The following MGA variants were observed in gnomAD, a reference collection of about 807,000 sequenced individuals.
The protein encoded by MGA is MAX gene-associated protein.
In MGA, 40 loss-of-function variants were observed where a neutral mutation model predicts 261.1. The observed-to-expected ratio is 0.15, with a 90% CI of 0.12 to 0.20. The LOEUF is 0.20. MGA is among the 10% of genes least tolerant of loss of function. The pLI is 1.00. For synonymous variants in MGA, 1,302 were observed against 1,290.6 expected, an observed-to-expected ratio of 1.01 and a Z score of -0.19; for missense variants, 3,397 against 3,630.5, an observed-to-expected ratio of 0.94 and a Z score of 1.65.
chr15:41,637,225 G>A (rs1208776776), intron 1 of MGA, among the ~76,000 whole-genome samples: 1 of 152,174 alleles, frequency 6.6e-6, no homozygotes, highest in Non-Finnish European at 1.5e-5. Context: ...CAGTGACAGT[G>A]TGGAAAGAAC....
At chr15:41,739,761 TA>T in intron 13 of MGA, 144 bp from the exon 14 acceptor site, 1 of 710,116 alleles carries the variant, frequency 1.4e-6, no homozygotes, top group Non-Finnish European at 2.1e-6. Flanking sequence ...CAGATTATTC[TA>T]AATGGAAAAA....
rs752360115 is a variant in MGA at position 41,750,246 on chromosome 15, T to C, written c.6639T>C (p.Asp2213=). 4 of 1,613,930 alleles carry C rather than the reference T, an allele frequency of 2.5e-6. No homozygotes were observed. The highest frequency in any genetic ancestry group is 4.5e-5 in the East Asian group (2 of 44,874). Reference sequence around the variant, plus strand: ...CAAAGACATGTCAGGAAAATTCAGATGTGTTTCAGCAAGAACAAGGCATCT... The same window carrying C: ...CAAAGACATGTCAGGAAAATTCAGACGTGTTTCAGCAAGAACAAGGCATCT... The change falls in exon 17 of 24, where the codon GAT becomes GAC. Residue 2213 remains aspartate, a synonymous_variant. Transcript: ENST00000219905.
intron 19 of MGA, among the ~76,000 whole-genome samples, chr15:41,759,320 GT>G: frequency 6.6e-6 from 1 of 152,216 alleles, no homozygotes; most frequent in East Asian, 1.9e-4. Context: ...ACTATTTTTG[GT>G]TTAGGATATA....
intron 1 of MGA, among the ~76,000 whole-genome samples, chr15:41,628,388 A>AG (rs61052233): frequency 6.7e-6 from 1 of 150,314 alleles, no homozygotes; most frequent in Non-Finnish European, 1.5e-5. Context: ...AAAAAAAAAA[A>AG]GCTATGAAGA....
intron 20 of MGA, among the ~76,000 whole-genome samples, chr15:41,761,066 CG>C (rs1402906022): frequency 1.3e-5 from 2 of 152,170 alleles, no homozygotes; most frequent in Non-Finnish European, 2.9e-5. Flanking sequence ...CCACTGCACC[CG>C]GGCAAAAGTC....
rs1243077951 is a variant in MGA, at chr15:41,769,696, A to T, written c.*2416A>T. 1.3e-5 allele frequency: 2 copies of T among 152,590 alleles called. No individual in the cohort carries two copies. The highest frequency in any genetic ancestry group is 4.8e-5 in the African/African-American group (2 of 41,420). 9.5% of individuals were successfully genotyped at this position (152,590 alleles called of 1,614,324 possible). ...GAAGACAGTGAGCTCTCACCCTAACACTATAAGAAGCATGATCTCAATAGA... is the reference window on the plus strand; with the variant it reads ...GAAGACAGTGAGCTCTCACCCTAACTCTATAAGAAGCATGATCTCAATAGA... On this transcript the variant is annotated 3_prime_UTR_variant, in exon 24 of 24. Coordinates refer to ENST00000219905, the MANE Select transcript of MGA (RefSeq NM_001164273.2).
At chr15:41,756,497 T>G (rs1203210809) in intron 18 of MGA, among the ~76,000 whole-genome samples, 1 of 152,226 alleles carries the variant, frequency 6.6e-6, no homozygotes, top group Admixed American at 6.5e-5. Context: ...TAACAGTTAC[T>G]GAAGTTGAAG....
At chr15:41,706,869 C>T (rs933594821) in intron 5 of MGA, among the ~76,000 whole-genome samples, 8 of 152,026 alleles carry the variant, frequency 5.3e-5, no homozygotes, top group African/African-American at 1.9e-4. Context: ...CCACCAGCTC[C>T]GGCCAATAAT....
intron 1 of MGA, among the ~76,000 whole-genome samples, chr15:41,639,595 A>G (rs1418120016): frequency 6.6e-6 from 1 of 151,452 alleles, no homozygotes; most frequent in East Asian, 1.9e-4. Context: ...TCCAGGCTGG[A>G]GTGCAGTGGC....
At chr15:41,741,006 CTGAA>C (rs1488857414) in intron 14 of MGA, among the ~76,000 whole-genome samples, 3 of 152,070 alleles carry the variant, frequency 2.0e-5, no homozygotes, top group Admixed American at 1.3e-4. Flanking sequence ...AAATCTCTGG[CTGAA>C]TGGTTAGAGT....
intron 2 of MGA, among the ~76,000 whole-genome samples, chr15:41,687,576 A>C (rs2059036630): frequency 6.6e-6 from 1 of 152,196 alleles, no homozygotes; most frequent in Non-Finnish European, 1.5e-5. Context: ...TATGTATTTT[A>C]AACTATTCGT....
Position 41,764,993 on chromosome 15 carries a change from G to A in MGA, c.7852G>A (p.Ala2618Thr). The change falls in exon 23 of 24, where the codon GCT becomes ACT. Residue 2618 changes from alanine to threonine, a missense_variant. Physicochemically the swap from Ala to Thr is moderately conservative, Grantham distance 58 (BLOSUM62 0). This residue lies in a region of MGA where 647 missense variants were observed against 642.4 expected (regional missense o/e 1.01). Coordinates refer to ENST00000219905, the MANE Select transcript of MGA (RefSeq NM_001164273.2). ...TCCCCTATTCTCAGGACCAGTGGTA[G>A]CTGTTTCTCCTGATCTCTTAGAATC... 1 of 1,614,070 alleles carries A rather than the reference G, an allele frequency of 6.2e-7. No individual in the cohort carries two copies. The highest frequency in any genetic ancestry group is 8.5e-7 in the Non-Finnish European group (1 of 1,179,904).
At chr15:41,651,647 TCCTC>T (rs2057050380) in intron 1 of MGA, among the ~76,000 whole-genome samples, 1 of 113,064 alleles carries the variant, frequency 8.8e-6, no homozygotes. Flanking sequence ...CTCTCCCCTC[TCCTC>T]TCCCTTCCCC....
chr15:41,734,525 C>A lies in MGA; in HGVS notation c.3847C>A (p.Pro1283Thr). 6.2e-7 allele frequency: 1 copy of A among 1,606,770 alleles called. No homozygotes were observed. The highest frequency in any genetic ancestry group is 8.5e-7 in the Non-Finnish European group (1 of 1,175,894). Residue 1283 changes from proline to threonine, a missense_variant, in exon 12 of 24, where the codon CCT (proline) becomes ACT (threonine). Around this residue, in one of 9 missense-constraint regions of MGA, gnomAD observed 1,410 missense variants for 1,386.4 expected, o/e 1.02. Coordinates refer to ENST00000219905, the MANE Select transcript of MGA (RefSeq NM_001164273.2). ...TCTGTGTTACTGTCTCCTTCAGGAACCTGATTCTGAACAGCAGCCCTTAAA... is the reference window on the plus strand; with the variant it reads ...TCTGTGTTACTGTCTCCTTCAGGAAACTGATTCTGAACAGCAGCCCTTAAA...
chr15:41,762,430 C>T, intron 22 of MGA, 68 bp downstream of exon 22: 1 of 881,666 alleles, frequency 1.1e-6, no homozygotes, highest in East Asian at 3.6e-5. Flanking sequence ...GACTGACCAC[C>T]TTCTCTTGTC....
Position 41,736,455 on chromosome 15 carries a change from C to T in MGA, c.4191C>T (p.Ile1397=). 6.2e-7 allele frequency: 1 copy of T among 1,614,026 alleles called. No homozygotes were observed. The highest frequency in any genetic ancestry group is 8.5e-7 in the Non-Finnish European group (1 of 1,179,892). Residue 1397 remains isoleucine (I), a synonymous_variant, in exon 13 of 24, where the codon ATC becomes ATT. Coordinates refer to ENST00000219905, the MANE Select transcript of MGA (RefSeq NM_001164273.2). The stretch of plus-strand genomic sequence containing the variant: ...CTGTTTATTCTTCTCGTGTGAAAAT[C>T]TCTATGCCATCATGTCAAGACCAAG...
In MGA at chr15:41,736,594, T is replaced by G. The variant is rs1345164763; in HGVS notation, c.4330T>G (p.Leu1444Val). Residue 1444 changes from leucine (L) to valine (V), a missense_variant, in exon 13 of 24, where the codon TTA becomes GTA. Around this residue, in one of 9 missense-constraint regions of MGA, gnomAD observed 1,410 missense variants for 1,386.4 expected, o/e 1.02. Transcript: ENST00000219905. ...TGCCCTGGATTCAGTGAGGGAGAGA[T>G]TACATGGAGGCAAAGGTCTGCCTTT... 2.5e-6 allele frequency: 4 copies of G among 1,613,912 alleles called. No homozygotes were observed. The highest frequency in any genetic ancestry group is 1.6e-4 in the Middle Eastern group (1 of 6,062).
intron 14 of MGA, among the ~76,000 whole-genome samples, chr15:41,741,876 T>C (rs902619564): frequency 1.3e-5 from 2 of 151,686 alleles, no homozygotes; most frequent in Non-Finnish European, 2.9e-5. Context: ...CATGCCCTGG[T>C]AATTTTTGTA....
rs373229744 is a variant in MGA, at chr15:41,766,681, G to A, written c.8599G>A (p.Val2867Ile). Residue 2867 changes from valine (V) to isoleucine (I), a missense_variant, in exon 24 of 24, where the codon GTT becomes ATT. Val to Ile is a conservative substitution (Grantham distance 29). Transcript: ENST00000219905. ...TGCTCGGCGGGCTTTTATTAGTAAG[G>A]TTCCTCCTGGAAGCAGAGCAACTTT... 6.8e-6 allele frequency: 11 copies of A among 1,614,000 alleles called. No homozygotes were observed. The highest frequency in any genetic ancestry group is 7.6e-6 in the Non-Finnish European group (9 of 1,179,904).
Sources: allele counts gnomAD v4.1 joint callset (sites outside exome capture counted in the v4.1 genomes callset), GRCh38; gene constraint gnomAD v4.1.1; regional missense constraint gnomAD v4.1.1; transcripts MANE v1.5; gene names NCBI Gene and HGNC (gene_info 2026-07-23, HGNC 2026-07-21).